GRIN2B: variants seen among roughly 807,000 people sequenced by gnomAD.
The protein encoded by GRIN2B is glutamate receptor ionotropic, NMDA 2B.
In GRIN2B, 5 loss-of-function variants were observed where a neutral mutation model predicts 114.5. The observed-to-expected ratio is 0.04, with a 90% CI of 0.02 to 0.09. The LOEUF (loss-of-function observed/expected upper bound fraction) is 0.09. Among genes scored for constraint, GRIN2B ranks in the 10% least tolerant of loss-of-function variants. The probability of loss-of-function intolerance (pLI) is 1.00; values close to 1 mark genes in which losing one functional copy is unlikely to be tolerated. For missense variants in GRIN2B, 1,108 were observed against 1,943.5 expected, an observed-to-expected ratio of 0.57 and a Z score of 8.08; for synonymous variants, 787 against 745.1, an observed-to-expected ratio of 1.06 and a Z score of -0.92.
At position 13,753,042 on chromosome 12, in the gene GRIN2B, A is replaced by G. The variant is rs1344065770; in HGVS notation, c.1010+275T>C. ...AAATAGAAACAATTGTTAAAACCTG[A>G]CTTATAGAGTTATTTTGAGGATCAA... On this transcript the variant is annotated intron_variant, in intron 4 of 13. Coordinates refer to ENST00000609686, the MANE Select transcript of GRIN2B (RefSeq NM_000834.5). The surrounding 1 kb of genome is among the most constrained non-coding windows in gnomAD (Gnocchi z 6.2). 1.3e-5 allele frequency among the ~76,000 whole-genome samples: 2 copies of G among 152,236 alleles called. No homozygotes were observed. Among genetic ancestry groups the G allele is most frequent in the Non-Finnish European group, 2.9e-5 (2 of 68,046 alleles).
At chr12:13,855,320 G>T (rs750334549) in intron 3 of GRIN2B, among the ~76,000 whole-genome samples, 7 of 152,274 alleles carry the variant, frequency 4.6e-5, no homozygotes, top group Admixed American at 1.3e-4. Context: ...AAGGCTCAGA[G>T]AAGTGAAGGA....
Position 13,743,374 on chromosome 12 carries a change from G to A in GRIN2B, c.1010+9943C>T, listed in dbSNP as rs534036512. ...TCTCCATGTGAACACATGTGAGCAC[G>A]TGTGACAGAAGTGAGGACAATGACC... On this transcript the variant is annotated intron_variant, in intron 4 of 13. Transcript: ENST00000609686. 2.6e-4 allele frequency among the ~76,000 whole-genome samples: 39 copies of A among 152,246 alleles called. 1 individual carries two copies. The highest frequency in any genetic ancestry group is 1.0e-3 in the South Asian group (5 of 4,826).
chr12:13,946,098 A>C (rs926645503), intron 2 of GRIN2B, among the ~76,000 whole-genome samples: 2 of 152,154 alleles, frequency 1.3e-5, no homozygotes, highest in African/African-American at 2.4e-5. Flanking sequence ...TCCAGTGTTG[A>C]AGTTAGTATA....
At chr12:13,768,976 G>A (rs1863854438) in intron 3 of GRIN2B, among the ~76,000 whole-genome samples, 1 of 152,178 alleles carries the variant, frequency 6.6e-6, no homozygotes, top group South Asian at 2.1e-4. Flanking sequence ...GGAGCTTGCA[G>A]TGAGCCGAGA....
chr12:13,887,706 A>T (rs1010398444), intron 2 of GRIN2B, among the ~76,000 whole-genome samples: 4 of 152,246 alleles, frequency 2.6e-5, no homozygotes, highest in Non-Finnish European at 4.4e-5. Context: ...GTGAGTAATG[A>T]AGACTGATGG....
At chr12:13,961,096 T>A (rs76881586) in intron 2 of GRIN2B, among the ~76,000 whole-genome samples, 2,187 of 152,006 alleles carry the variant, frequency 0.014, 44 homozygotes, top group African/African-American at 0.051. Context: ...TTTTTTTTTT[T>A]ATCTGCCCTT....
chr12:13,618,887 A>G (rs911715938), intron 5 of GRIN2B, among the ~76,000 whole-genome samples: 1 of 152,228 alleles, frequency 6.6e-6, no homozygotes, highest in Non-Finnish European at 1.5e-5. Flanking sequence ...TGCTACAGAC[A>G]TAACATTTTG....
At chr12:13,638,419 T>C (rs746689274) in intron 5 of GRIN2B, among the ~76,000 whole-genome samples, 1 of 152,064 alleles carries the variant, frequency 6.6e-6, no homozygotes, top group Non-Finnish European at 1.5e-5. Context: ...ACATACTGAA[T>C]GAATGTGAAT....
chr12:13,933,781 G>C (rs566122807), intron 2 of GRIN2B, among the ~76,000 whole-genome samples: 1 of 152,328 alleles, frequency 6.6e-6, no homozygotes, highest in African/African-American at 2.4e-5. Context: ...ACTATAGATG[G>C]TAGGGTGTGG....
Position 13,571,976 on chromosome 12 carries a change from AAGAC to A in GRIN2B, c.2011-16_2011-13del. 1 of 1,609,516 alleles carries A rather than the reference AAGAC, an allele frequency of 6.2e-7. No individual in the cohort carries two copies. The highest frequency in any genetic ancestry group is 1.1e-5 in the South Asian group (1 of 90,768). The stretch of plus-strand genomic sequence containing the variant: ...TTAGGTCTCTGGAACTGGAGAGAGA[AAGAC>A]AGATAGAGACAGAGCGGGAGATGGA... On this transcript the variant is annotated splice_polypyrimidine_tract_variant and intron_variant, in intron 10 of 13. Transcript: ENST00000609686.
At chr12:13,832,128 T>A (rs563394514) in intron 3 of GRIN2B, among the ~76,000 whole-genome samples, 1 of 152,314 alleles carries the variant, frequency 6.6e-6, no homozygotes, top group South Asian at 2.1e-4. Flanking sequence ...ATAGAGTCCA[T>A]GAAAATTTAG....
Position 13,603,545 on chromosome 12 carries a change from C to G in GRIN2B, c.2010+5058G>C, listed in dbSNP as rs144350822. Among the ~76,000 whole-genome samples, 781 of 152,026 alleles carry G rather than the reference C, an allele frequency of 5.1e-3. 11 individuals carry two copies. Among genetic ancestry groups the G allele is most frequent in the African/African-American group, 0.018 (735 of 41,450 alleles). On this transcript the variant is annotated intron_variant, in intron 10 of 13. Coordinates refer to ENST00000609686, the MANE Select transcript of GRIN2B (RefSeq NM_000834.5). ...AAGATAATCTATGAAATATATTTGG[C>G]ATGATGCCTGGCTTGTAAGAGCTGA...
chr12:13,743,205 C>G (rs904581305), intron 4 of GRIN2B, among the ~76,000 whole-genome samples: 1 of 152,186 alleles, frequency 6.6e-6, no homozygotes, highest in African/African-American at 2.4e-5. Flanking sequence ...TGACAAGAAA[C>G]AGCAGTCATT....
At chr12:13,568,054 T>C (rs1238258262) in intron 12 of GRIN2B, among the ~76,000 whole-genome samples, 1 of 151,940 alleles carries the variant, frequency 6.6e-6, no homozygotes, top group African/African-American at 2.4e-5. Flanking sequence ...TGATCTCTTG[T>C]TGAAGAAAAT....
chr12:13,661,145 G>A (rs183952456), intron 5 of GRIN2B, among the ~76,000 whole-genome samples: 2 of 152,158 alleles, frequency 1.3e-5, no homozygotes, highest in South Asian at 2.1e-4. Flanking sequence ...CTCTGTTGAA[G>A]CCTTCCTTTC....
intron 3 of GRIN2B, among the ~76,000 whole-genome samples, chr12:13,756,039 C>T (rs761783586): frequency 2.0e-5 from 3 of 152,066 alleles, no homozygotes; most frequent in Non-Finnish European, 4.4e-5. Context: ...TTTTATCCCC[C>T]CAGAGTCTCA....
At chr12:13,602,013 C>CTA (rs1225248822) in intron 10 of GRIN2B, among the ~76,000 whole-genome samples, 1 of 152,160 alleles carries the variant, frequency 6.6e-6, no homozygotes, top group Non-Finnish European at 1.5e-5. Flanking sequence ...CCCCAGGGAT[C>CTA]TGTTCTGGAC....
At chr12:13,792,272 G>A (rs1031207257) in intron 3 of GRIN2B, among the ~76,000 whole-genome samples, 3 of 152,164 alleles carry the variant, frequency 2.0e-5, no homozygotes, top group Non-Finnish European at 4.4e-5. Flanking sequence ...GAGAAACAGA[G>A]GAGCTCCCTA....
intron 5 of GRIN2B, among the ~76,000 whole-genome samples, chr12:13,659,666 T>C (rs1380338519): frequency 6.6e-6 from 1 of 152,186 alleles, no homozygotes; most frequent in African/African-American, 2.4e-5. Flanking sequence ...ACAAATATTG[T>C]ACTTCACCTG....
Sources: allele counts gnomAD v4.1 joint callset (sites outside exome capture counted in the v4.1 genomes callset), GRCh38; gene constraint gnomAD v4.1.1; non-coding constraint Gnocchi (gnomAD v3.1); transcripts MANE v1.5; gene names NCBI Gene and HGNC (gene_info 2026-07-23, HGNC 2026-07-21).